FKBP7: variants seen among roughly 807,000 people sequenced by gnomAD.
FKBP7 encodes the protein peptidyl-prolyl cis-trans isomerase FKBP7.
Under a neutral mutation model 24.3 loss-of-function variants are expected in FKBP7, and 24 were observed. The observed-to-expected ratio is 0.99, with a 90% CI of 0.72 to 1.39. The LOEUF (loss-of-function observed/expected upper bound fraction) is 1.39. FKBP7 is among the 40% of genes most tolerant of loss of function. FKBP7 has a pLI of 0.00. For synonymous variants in FKBP7, 98 were observed against 92.8 expected (o/e 1.06, Z -0.32); for missense variants, 257 against 269.5 (o/e 0.95, Z 0.33).
At chr2:178,473,352 C>A (rs776484263) in intron 2 of FKBP7, among the ~76,000 whole-genome samples, 1 of 152,102 alleles carries the variant, frequency 6.6e-6, no homozygotes, top group Non-Finnish European at 1.5e-5. Flanking sequence ...TTTTGGGCCT[C>A]AGTTTCTTAC....
intron 2 of FKBP7, chr2:178,473,199 T>C (rs1684904171): frequency 4.3e-6 from 3 of 701,226 alleles, no homozygotes; most frequent in African/African-American, 1.8e-5. Flanking sequence ...TTTAAATGCT[T>C]ATTTAATCAA....
Position 178,472,915 on chromosome 2 carries a change from T to A in FKBP7, c.374-3130A>T, listed in dbSNP as rs1319620359. The stretch of plus-strand genomic sequence containing the variant: ...CTCTTTTTCTTGTTTTTTTTTTTTT[T>A]TTAAAAAAAACTAAAGTATAAAAAT... On this transcript the variant is annotated intron_variant, in intron 2 of 3. Transcript: ENST00000424785. The A allele has an allele frequency of 1.3e-4, 42 of 317,140 alleles. 1 individual carries two copies. Among genetic ancestry groups the A allele is most frequent in the South Asian group, 8.2e-4 (26 of 31,760 alleles). 19.6% of individuals were successfully genotyped at this position (317,140 alleles called of 1,614,324 possible).
At chr2:178,469,490 G>C (rs1254820717) in intron 3 of FKBP7, among the ~76,000 whole-genome samples, 162 bp downstream of exon 3, 1 of 152,168 alleles carries the variant, frequency 6.6e-6, no homozygotes, top group Admixed American at 6.5e-5. Flanking sequence ...AAAAAGCTTA[G>C]AGCTTTTTCT....
At position 178,478,529 on chromosome 2, in the gene FKBP7, C is replaced by G. The variant is rs1347218567; in HGVS notation, c.-30G>C. 6.2e-7 allele frequency: 1 copy of G among 1,610,772 alleles called. No homozygotes were observed. Among genetic ancestry groups the G allele is most frequent in the Non-Finnish European group, 8.5e-7 (1 of 1,178,744 alleles). On this transcript the variant is annotated 5_prime_UTR_variant, in exon 1 of 4. Coordinates refer to ENST00000424785, the MANE Select transcript of FKBP7 (RefSeq NM_181342.3). ...TCCAGCAGAACACTGCTCTCCCTCC[C>G]GCGTGTCACTCGCGCCCCGTGGATG...
rs1482112914 is a variant in FKBP7, at chr2:178,477,202, T to C, written c.233A>G (p.Asn78Ser). 1 of 1,610,388 alleles carries C rather than the reference T, an allele frequency of 6.2e-7. No homozygotes were observed. The highest frequency in any genetic ancestry group is 1.7e-5 in the Admixed American group (1 of 58,784). ...GSKFYCSRTQ[N>S]EGHPKWFVLG... Reference sequence around the variant, plus strand: ...AACAAACCATTTGGGGTGGCCTTCATTTTGTGTCCGGCTATAACAAAAAGC... The same window carrying C: ...AACAAACCATTTGGGGTGGCCTTCACTTTGTGTCCGGCTATAACAAAAAGC... The change falls in exon 2 of 4, where the codon AAT becomes AGT. Residue 78 changes from asparagine to serine, a missense_variant. Asn to Ser is a conservative substitution (Grantham distance 46). Transcript: ENST00000424785.
chr2:178,474,429 A>C (rs1227861723), intron 2 of FKBP7, among the ~76,000 whole-genome samples: 1 of 152,234 alleles, frequency 6.6e-6, no homozygotes, highest in Non-Finnish European at 1.5e-5. Flanking sequence ...CAAATGGTAC[A>C]AAATGTTAGA....
chr2:178,465,759 A>G lies in FKBP7; in HGVS notation c.*11T>C. The G allele has an allele frequency of 6.5e-7, 1 of 1,547,058 alleles. No homozygotes were observed. The highest frequency in any genetic ancestry group is 8.7e-7 in the Non-Finnish European group (1 of 1,150,988). ...AAATAGCTAAAAAAAAAAAGTAGAA[A>G]TACAAATATGCTATAGTTCATCGTG... On this transcript the variant is annotated 3_prime_UTR_variant, in exon 4 of 4. Transcript: ENST00000424785.
At chr2:178,469,860 CA>C in intron 2 of FKBP7, 75 bp from the exon 3 acceptor site, 3 of 1,184,040 alleles carry the variant, frequency 2.5e-6, no homozygotes, top group Non-Finnish European at 3.5e-6. Context: ...CTGCCATAAC[CA>C]TATTATATTA....
intron 2 of FKBP7, among the ~76,000 whole-genome samples, chr2:178,474,110 A>G (rs1478215966): frequency 6.6e-6 from 1 of 152,218 alleles, no homozygotes; most frequent in Admixed American, 6.5e-5. Flanking sequence ...TGCCTCAAAG[A>G]AGGCATGCCA....
intron 2 of FKBP7, chr2:178,473,251 C>A (rs879516178): frequency 9.4e-6 from 4 of 426,656 alleles, no homozygotes; most frequent in African/African-American, 2.1e-5. Flanking sequence ...TACACTGCAA[C>A]TTTTAAAATA....
At position 178,465,817 on chromosome 2, in the gene FKBP7, A is replaced by C; in HGVS notation, c.622T>G (p.Phe208Val). 1 of 1,610,806 alleles carries C rather than the reference A, an allele frequency of 6.2e-7. No individual in the cohort carries two copies. The highest frequency in any genetic ancestry group is 8.5e-7 in the Non-Finnish European group (1 of 1,178,612). ...ACATTGTATTCCTTGGGAGAAATGA[A>C]GCCATCACCATCATGGTCATTCTTC... Reference protein sequence around the residue: ...FKKNDHDGDGFISPKEYNVYQ... With the variant: ...FKKNDHDGDGVISPKEYNVYQ... The change falls in exon 4 of 4, where the codon TTC (phenylalanine) becomes GTC (valine). Residue 208 changes from phenylalanine (F) to valine (V), a missense_variant. By Grantham distance (50) the Phe-to-Val change is conservative. Coordinates refer to ENST00000424785, the MANE Select transcript of FKBP7 (RefSeq NM_181342.3).
rs551808233 is a variant in FKBP7 at position 178,463,894 on chromosome 2, T to G, written c.*1876A>C. On this transcript the variant is annotated 3_prime_UTR_variant, in exon 4 of 4. Coordinates refer to ENST00000424785, the MANE Select transcript of FKBP7 (RefSeq NM_181342.3). ...GGTTCCAAACCAAAATAAAGAATAT[T>G]GAGTTACTTAGTTTACTTCAACGGA... is the stretch of plus-strand genomic sequence containing the variant. 14 of 152,280 alleles carry G rather than the reference T, an allele frequency of 9.2e-5. No individual in the cohort carries two copies. Among genetic ancestry groups the G allele is most frequent in the Non-Finnish European group, 1.8e-4 (12 of 68,016 alleles). The allele number at this position is 152,280 out of a possible 1,614,324, so 9.4% of individuals were successfully genotyped here. A position where few individuals can be genotyped will look rare whatever the true frequency, so the allele number is the denominator to read the frequency against.
At position 178,465,873 on chromosome 2, in the gene FKBP7, T is replaced by G. The variant is rs546782410; in HGVS notation, c.566A>C (p.Tyr189Ser). The change falls in exon 4 of 4, where the codon TAT becomes TCT. Residue 189 changes from tyrosine (Y) to serine (S), a missense_variant. Tyr to Ser is a moderately radical substitution (Grantham distance 144, BLOSUM62 -2). Transcript: ENST00000424785. The part of the protein sequence containing the change: ...EKDEKPRDKS[Y>S]QDAVLEDIFK... ...AATATCTTCTAAAACTGCATCCTGATATGACTTGTCACGTGGCTTCTCATC... is the reference window on the plus strand; with the variant it reads ...AATATCTTCTAAAACTGCATCCTGAGATGACTTGTCACGTGGCTTCTCATC... The G allele has an allele frequency of 1.3e-5, 21 of 1,611,330 alleles. No homozygotes were observed. In the South Asian group the frequency reaches 1.8e-4, roughly 14 times the overall value.
Position 178,478,375 on chromosome 2 carries a change from C to T in FKBP7, c.125G>A (p.Arg42His), listed in dbSNP as rs776005760. 1 of 1,614,138 alleles carries T rather than the reference C, an allele frequency of 6.2e-7. No homozygotes were observed. Among genetic ancestry groups the T allele is most frequent in the South Asian group, 1.1e-5 (1 of 91,090 alleles). ...GCTTGTCTTAGAGCAGTTTTCTGGA[C>T]GATGCAAAACTTCTATTTTCACTTC... ...TEEVKIEVLH[R>H]PENCSKTSKK... The change falls in exon 1 of 4, where the codon CGT becomes CAT. Residue 42 changes from arginine (R) to histidine (H), a missense_variant. Transcript: ENST00000424785.
In FKBP7 at chr2:178,474,839, C is replaced by T. The variant is rs141157065; in HGVS notation, c.373+2223G>A. On this transcript the variant is annotated intron_variant, in intron 2 of 3. Transcript: ENST00000424785. The stretch of plus-strand genomic sequence containing the variant: ...AGTAGTTGGGACCACAGGCGGATAC[C>T]GCCACGCCTGGCTAACTTTTTAATT... Among the ~76,000 whole-genome samples, 14 of 152,242 alleles carry T rather than the reference C, an allele frequency of 9.2e-5. No individual in the cohort carries two copies. In the East Asian group the frequency reaches 1.9e-3, roughly 21 times the overall value.
chr2:178,474,783 G>C (rs904871904), intron 2 of FKBP7, among the ~76,000 whole-genome samples: 4 of 152,148 alleles, frequency 2.6e-5, no homozygotes, highest in Admixed American at 1.3e-4. Context: ...GACCTCCCAG[G>C]CTCCAGGGAT....
chr2:178,467,129 G>A (rs1318392909), intron 3 of FKBP7, among the ~76,000 whole-genome samples: 4 of 152,122 alleles, frequency 2.6e-5, no homozygotes. Context: ...TTCTAAGTAA[G>A]TCAAATTATT....
rs373264897 is a variant in FKBP7, at chr2:178,469,654, C to A, written c.505G>T (p.Glu169Ter). The A allele has an allele frequency of 5.0e-6, 8 of 1,613,636 alleles. No individual in the cohort carries two copies. The South Asian group carries it at 8.8e-5, about 18-fold the overall frequency. Residue 169 changes from glutamate (E) to a stop codon, truncating the protein, a stop_gained and splice_region_variant, in exon 3 of 4, where the codon GAG (glutamate) becomes TAG (stop). Transcript: ENST00000424785. LOFTEE classifies it high-confidence loss of function. ...MDNDRQLSKA[E>*]INLYLQREFE... ...CACATGAAATTGGTTTGAATTACCT[C>A]GGCTTTAGAGAGCTGCCTGTCATTG...
intron 3 of FKBP7, among the ~76,000 whole-genome samples, chr2:178,468,855 TTATC>T (rs1377085862): frequency 2.0e-5 from 3 of 152,116 alleles, no homozygotes; most frequent in Admixed American, 1.3e-4. Flanking sequence ...AAAATAAATG[TTATC>T]TATTATTATC....
Sources: allele counts gnomAD v4.1 joint callset (sites outside exome capture counted in the v4.1 genomes callset), GRCh38; gene constraint gnomAD v4.1.1; transcripts MANE v1.5; gene names NCBI Gene and HGNC (gene_info 2026-07-23, HGNC 2026-07-21).